The following SEMA4D variants were observed in gnomAD, a reference collection of about 807,000 sequenced individuals.
SEMA4D encodes semaphorin 4D, also known as semaphorin-4D.
A neutral mutation model predicts 74.8 loss-of-function variants in SEMA4D; 22 were observed. The ratio of observed to expected loss-of-function variants is 0.29; its 90% CI spans 0.21 to 0.42. The LOEUF is 0.42. SEMA4D is among the 10% of genes least tolerant of loss of function. The pLI, the probability that SEMA4D is intolerant of heterozygous loss-of-function variation, is 1.00. For missense variants in SEMA4D, 937 were observed against 1,118.4 expected (o/e 0.84, Z 2.31); for synonymous variants, 445 against 463.7 (o/e 0.96, Z 0.52).
chr9:89,497,641 A>G (rs1651824198), intron 1 of SEMA4D, among the ~76,000 whole-genome samples: 1 of 151,160 alleles, frequency 6.6e-6, no homozygotes, highest in African/African-American at 2.4e-5. Context: ...GAAGGGGAGA[A>G]GGCCGGGGAG....
At chr9:89,435,519 TCA>T (rs1587866606) in intron 2 of SEMA4D, among the ~76,000 whole-genome samples, 1 of 152,016 alleles carries the variant, frequency 6.6e-6, no homozygotes, top group African/African-American at 2.4e-5. Context: ...TTTCCCCAAC[TCA>T]CAGAGATGGC....
At chr9:89,466,673 A>G (rs1858810508) in intron 1 of SEMA4D, among the ~76,000 whole-genome samples, 1 of 152,218 alleles carries the variant, frequency 6.6e-6, no homozygotes, top group Non-Finnish European at 1.5e-5. Flanking sequence ...TTCCACTGCA[A>G]TTAGTACACA....
At chr9:89,408,622 A>T (rs1426505855) in intron 2 of SEMA4D, among the ~76,000 whole-genome samples, 1 of 152,236 alleles carries the variant, frequency 6.6e-6, no homozygotes, top group African/African-American at 2.4e-5. Flanking sequence ...AGAGGACTGC[A>T]CACTCGCATT....
intron 1 of SEMA4D, among the ~76,000 whole-genome samples, chr9:89,473,684 G>A (rs1192859463): frequency 1.3e-5 from 2 of 151,884 alleles, no homozygotes; most frequent in Non-Finnish European, 2.9e-5. Context: ...TGGTGAAACC[G>A]TCTCTACTAA....
chr9:89,478,760 T>A (rs1297754833), intron 1 of SEMA4D, among the ~76,000 whole-genome samples: 1 of 126,494 alleles, frequency 7.9e-6, no homozygotes, highest in Non-Finnish European at 1.7e-5. Context: ...GGCCCCCTCA[T>A]CCTCCACCCC....
At chr9:89,369,039 C>T (rs899354081) in intron 16 of SEMA4D, 1 of 152,286 alleles carries the variant, frequency 6.6e-6, no homozygotes, top group African/African-American at 2.4e-5. Context: ...GCTGCCTCAT[C>T]TAACATGCGA....
At chr9:89,443,843 C>T (rs1382184527) in intron 2 of SEMA4D, among the ~76,000 whole-genome samples, 1 of 152,244 alleles carries the variant, frequency 6.6e-6, no homozygotes, top group Non-Finnish European at 1.5e-5. Flanking sequence ...GAAGATGGGG[C>T]ACAGAGAGCA....
intron 3 of SEMA4D, among the ~76,000 whole-genome samples, chr9:89,404,577 G>A (rs1422716677): frequency 7.4e-6 from 1 of 134,252 alleles, no homozygotes; most frequent in African/African-American, 2.5e-5. Context: ...AGCATCCCAG[G>A]AAGTGGAGTC....
At chr9:89,439,952 T>C (rs1427400402) in intron 2 of SEMA4D, among the ~76,000 whole-genome samples, 2 of 152,220 alleles carry the variant, frequency 1.3e-5, no homozygotes, top group African/African-American at 4.8e-5. Context: ...TCATTCTACA[T>C]TGGCACACTG....
chr9:89,427,204 TCTTCCAGATG>T (rs1380509318), intron 2 of SEMA4D, among the ~76,000 whole-genome samples: 1 of 152,158 alleles, frequency 6.6e-6, no homozygotes, highest in African/African-American at 2.4e-5. Flanking sequence ...TCTTCTCCTC[TCTTCCAGATG>T]CTTCCAGCCC....
exon 19 of SEMA4D, chr9:89,362,312 G>A (rs1258259789): frequency 1.2e-6 from 2 of 1,609,852 alleles, no homozygotes; most frequent in African/African-American, 1.3e-5. Flanking sequence ...ACAGTTGTGG[G>A]GGACCAGGCC....
chr9:89,399,124 C>G, intron 5 of SEMA4D, 152 bp downstream of exon 5: 2 of 664,960 alleles, frequency 3.0e-6, no homozygotes, highest in South Asian at 1.8e-5. Context: ...GGGATGAGCT[C>G]CAAGACGCAT....
downstream of SEMA4D, among the ~76,000 whole-genome samples, chr9:89,375,735 C>CT (rs888700437): frequency 2.0e-5 from 3 of 152,232 alleles, no homozygotes; most frequent in Non-Finnish European, 2.9e-5. Flanking sequence ...CAGGATACAT[C>CT]TTTGAAGTGT....
At position 89,402,867 on chromosome 9, in the gene SEMA4D, G is replaced by A. The variant is rs774796231; in HGVS notation, c.252+4C>T. ...GTGGACATGCAGGGGAGCCCAGGAC[G>A]TACCTCATGCTGCTTCTCGGAGATG... On this transcript the variant is annotated splice_donor_region_variant and intron_variant, in intron 4 of 15. Transcript: ENST00000422704. The A allele has an allele frequency of 6.2e-6, 10 of 1,612,572 alleles. No individual in the cohort carries two copies. The highest frequency in any genetic ancestry group is 2.7e-5 in the African/African-American group (2 of 74,894).
intron 16 of SEMA4D, chr9:89,365,087 A>T (rs1262054283): frequency 6.6e-6 from 1 of 152,264 alleles, no homozygotes; most frequent in Non-Finnish European, 1.5e-5. Flanking sequence ...TGAAGGAAAA[A>T]CAAGCACATC....
intron 15 of SEMA4D, among the ~76,000 whole-genome samples, chr9:89,380,421 C>T (rs1429057114): frequency 6.6e-6 from 1 of 152,116 alleles, no homozygotes; most frequent in Non-Finnish European, 1.5e-5. Context: ...AGCCTTGAAC[C>T]CCTGGGCACA....
At chr9:89,493,903 TG>T (rs1825812854) in intron 1 of SEMA4D, among the ~76,000 whole-genome samples, 1 of 152,234 alleles carries the variant, frequency 6.6e-6, no homozygotes, top group South Asian at 2.1e-4. Flanking sequence ...ACTTGGCCTT[TG>T]TTTCTGTACT....
Position 89,443,869 on chromosome 9 carries a change from G to A in SEMA4D, c.-244+12019C>T, listed in dbSNP as rs1324076056. On this transcript the variant is annotated intron_variant, in intron 2 of 15. Transcript: ENST00000422704. ...ACAGAGAGCATTTGGAGACTGCGAG[G>A]TGCCAGCTGCCAGAGGTGCCTGGGC... 8.5e-5 allele frequency among the ~76,000 whole-genome samples: 13 copies of A among 152,226 alleles called. 1 individual carries two copies. Among genetic ancestry groups the A allele is most frequent in the Non-Finnish European group, 1.9e-4 (13 of 68,024 alleles).
chr9:89,440,298 C>A (rs748175912), intron 2 of SEMA4D, among the ~76,000 whole-genome samples: 3 of 152,198 alleles, frequency 2.0e-5, no homozygotes, highest in South Asian at 4.1e-4. Flanking sequence ...AGCCCCTGTG[C>A]CTTCTCCCAC....
Sources: gnomAD v4.1 joint callset for allele counts (sites outside exome capture counted in the v4.1 genomes callset) on GRCh38, gnomAD v4.1.1 for gene constraint, MANE v1.5 for transcripts, NCBI Gene and HGNC (gene_info 2026-07-23, HGNC 2026-07-21) for gene names.